The following MT3 variants were observed in gnomAD, a reference collection of about 807,000 sequenced individuals.
The protein encoded by MT3 is metallothionein 3, also known as metallothionein-3.
MT3 carries 8 observed loss-of-function variants against 10.9 expected under a neutral mutation model. That is an observed-to-expected ratio of 0.73 (90% confidence interval 0.43 to 1.33). The LOEUF is 1.33. MT3 is among the 40% of genes most tolerant of loss of function. MT3 has a pLI of 0.01. For synonymous variants in MT3, 32 were observed against 29.9 expected, an observed-to-expected ratio of 1.07 and a Z score of -0.23; for missense variants, 75 against 83.9, an observed-to-expected ratio of 0.89 and a Z score of 0.41.
At chr16:56,589,765 C>G (rs1959799070) in intron 1 of MT3, 105 bp from the exon 2 acceptor site, 2 of 1,575,704 alleles carry the variant, frequency 1.3e-6, no homozygotes, top group African/African-American at 1.4e-5. Flanking sequence ...GCGGGCATGC[C>G]TGTGTCGCGG....
chr16:56,589,666 G>A, intron 1 of MT3, 45 bp downstream of exon 1: 1 of 1,605,198 alleles, frequency 6.2e-7, no homozygotes, highest in Non-Finnish European at 8.5e-7. Flanking sequence ...GCGCGCCCTT[G>A]TACCTGCAAA....
At chr16:56,590,568 G>A in intron 2 of MT3, 2 of 519,736 alleles carry the variant, frequency 3.8e-6, no homozygotes, top group Non-Finnish European at 7.0e-6. Flanking sequence ...ACCTAAGCTG[G>A]GCTTAAGCCC....
intron 2 of MT3, chr16:56,590,433 C>T (rs371668805): frequency 2.2e-6 from 1 of 461,078 alleles, no homozygotes; most frequent in South Asian, 2.8e-5. Flanking sequence ...AGGTCCCCAC[C>T]GCCTCCCCAC....
intron 1 of MT3, 110 bp downstream of exon 1, chr16:56,589,731 T>G (rs1959798699): frequency 6.3e-7 from 1 of 1,582,848 alleles, no homozygotes; most frequent in African/African-American, 1.3e-5. Context: ...GGCCCCTGAT[T>G]CCCTATTCTT....
At chr16:56,590,780 G>A (rs2144278141) in intron 2 of MT3, 60 bp from the exon 3 acceptor site, 3 of 1,533,322 alleles carry the variant, frequency 2.0e-6, no homozygotes, top group Admixed American at 1.9e-5. Flanking sequence ...CCTCCCCTTT[G>A]ATGGGGACGA....
rs982364228 is a variant in MT3 at position 56,590,978 on chromosome 16, G to A, written c.*29G>A. 6 of 1,596,722 alleles carry A rather than the reference G, an allele frequency of 3.8e-6. No individual in the cohort carries two copies. The highest frequency in any genetic ancestry group is 5.1e-6 in the Non-Finnish European group (6 of 1,169,328). On this transcript the variant is annotated 3_prime_UTR_variant, in exon 3 of 3. Transcript: ENST00000200691. Reference sequence around the variant, plus strand: ...GGCACCCCTCCGTGTGGAGCACGTGGAGATAGTGCCAGGTGGCTCAGTGCC... The same window carrying A: ...GGCACCCCTCCGTGTGGAGCACGTGAAGATAGTGCCAGGTGGCTCAGTGCC...
At position 56,590,911 on chromosome 16, in the gene MT3, G is replaced by A. The variant is rs1959814297; in HGVS notation, c.169G>A (p.Ala57Thr). ...CTGTGTGTGCAAAGGCGGAGAGGCA[G>A]CTGAGGCAGAAGCAGAGAAGTGCAG... Reference protein sequence around the residue: ...KDCVCKGGEAAEAEAEKCSCC... With the variant: ...KDCVCKGGEATEAEAEKCSCC... The change falls in exon 3 of 3, where the codon GCT (alanine) becomes ACT (threonine). Residue 57 changes from alanine (A) to threonine (T), a missense_variant. By Grantham distance (58) the Ala-to-Thr change is moderately conservative. Coordinates refer to ENST00000200691, the MANE Select transcript of MT3 (RefSeq NM_005954.4). 8 of 1,614,024 alleles carry A rather than the reference G, an allele frequency of 5.0e-6. No homozygotes were observed. Among genetic ancestry groups the A allele is most frequent in the Non-Finnish European group, 6.8e-6 (8 of 1,179,994 alleles).
intron 2 of MT3, 32 bp downstream of exon 2, chr16:56,589,967 G>T: frequency 6.2e-7 from 1 of 1,608,474 alleles, no homozygotes; most frequent in Non-Finnish European, 8.5e-7. Flanking sequence ...CTCTGCCGCC[G>T]CCCCCTCTGC....
chr16:56,590,438 C>T, intron 2 of MT3: 1 of 462,776 alleles, frequency 2.2e-6, no homozygotes, highest in East Asian at 3.8e-5. Flanking sequence ...CCCACCGCCT[C>T]CCCACGGCTT....
At chr16:56,590,190 C>T (rs1597054052) in intron 2 of MT3, 7 of 649,106 alleles carry the variant, frequency 1.1e-5, no homozygotes, top group Non-Finnish European at 2.0e-5. Flanking sequence ...TTGAGGACTG[C>T]CACACTGGTC....
rs1161816268 is a variant in MT3, at chr16:56,589,903, G to T, written c.65G>T (p.Cys22Phe). The T allele has an allele frequency of 6.2e-7, 1 of 1,614,094 alleles. No individual in the cohort carries two copies. The highest frequency in any genetic ancestry group is 1.1e-5 in the South Asian group (1 of 91,084). The change falls in exon 2 of 3, where the codon TGC becomes TTC. Residue 22 changes from cysteine (C) to phenylalanine (F), a missense_variant. Physicochemically the swap from Cys to Phe is radical, Grantham distance 205 (BLOSUM62 -2). Coordinates refer to ENST00000200691, the MANE Select transcript of MT3 (RefSeq NM_005954.4). ...GSCTCADSCK[C>F]EGCKCTSCKK... ...TGCACCTGCGCGGACTCCTGCAAGT[G>T]CGAGGGATGCAAATGCACCTCCTGC...
Position 56,589,936 on chromosome 16 carries a change from G to C in MT3, c.97+1G>C. ...TGCAAATGCACCTCCTGCAAGAAGA[G>C]TGAGTGCGGGGACCCTTCCCCTCTG... On this transcript the variant is annotated splice_donor_variant, in intron 2 of 2. Transcript: ENST00000200691. LOFTEE classifies it high-confidence loss of function. 1 of 1,614,054 alleles carries C rather than the reference G, an allele frequency of 6.2e-7. No individual in the cohort carries two copies. Among genetic ancestry groups the C allele is most frequent in the African/African-American group, 1.3e-5 (1 of 75,050 alleles).
chr16:56,590,091 T>C (rs1266178833), intron 2 of MT3, 156 bp downstream of exon 2: 12 of 769,896 alleles, frequency 1.6e-5, no homozygotes, highest in East Asian at 2.7e-5. Context: ...AAAATACAGA[T>C]GCCCCTGCCC....
At chr16:56,590,316 C>T in intron 2 of MT3, 1 of 589,018 alleles carries the variant, frequency 1.7e-6, no homozygotes, top group Non-Finnish European at 3.0e-6. Flanking sequence ...CTTACGGATC[C>T]TCTCAGTTTG....
chr16:56,590,789 G>C (rs770816959), intron 2 of MT3, 51 bp from the exon 3 acceptor site: 2 of 1,566,456 alleles, frequency 1.3e-6, no homozygotes, highest in Non-Finnish European at 1.7e-6. Flanking sequence ...TGATGGGGAC[G>C]AATTGGGGGA....
chr16:56,589,729 A>C, intron 1 of MT3, 108 bp downstream of exon 1: 5 of 1,586,086 alleles, frequency 3.2e-6, no homozygotes, highest in Non-Finnish European at 4.3e-6. Flanking sequence ...AGGGCCCCTG[A>C]TTCCCTATTC....
chr16:56,590,154 C>G (rs1375621809), intron 2 of MT3: 1 of 687,158 alleles, frequency 1.5e-6, no homozygotes, highest in East Asian at 2.7e-5. Context: ...TTGTAAATCC[C>G]CAGAAGACTC....
At position 56,590,879 on chromosome 16, in the gene MT3, C is replaced by T. The variant is rs575531391; in HGVS notation, c.137C>T (p.Ala46Val). 28 of 1,614,022 alleles carry T rather than the reference C, an allele frequency of 1.7e-5. 1 individual carries two copies. In the African/African-American group the frequency reaches 3.5e-4, roughly 20 times the overall value. Residue 46 changes from alanine (A) to valine (V), a missense_variant, in exon 3 of 3, where the codon GCC becomes GTC. By Grantham distance (64) the Ala-to-Val change is moderately conservative (BLOSUM62 0). Transcript: ENST00000200691. ...TGCCCTGCGGAGTGTGAGAAGTGTG[C>T]CAAGGACTGTGTGTGCAAAGGCGGA... is the stretch of plus-strand genomic sequence containing the variant. ...SCCPAECEKC[A>V]KDCVCKGGEA... is the part of the protein sequence containing the mutation.
In MT3 at chr16:56,590,650, A is replaced by T. The variant is rs1411891271; in HGVS notation, c.98-190A>T. On this transcript the variant is annotated intron_variant, in intron 2 of 2. Transcript: ENST00000200691. ...TTTCCTGGGTACCTCACTCCTGTGG[A>T]GGTGCAGGATGCCACTGCCGCGACA... 3 of 603,654 alleles carry T rather than the reference A, an allele frequency of 5.0e-6. No individual in the cohort carries two copies. In the African/African-American group the frequency reaches 5.5e-5, roughly 11 times the overall value. 37.4% of individuals were successfully genotyped at this position (603,654 alleles called of 1,614,324 possible).
Sources: allele counts gnomAD v4.1 joint callset, GRCh38; gene constraint gnomAD v4.1.1; transcripts MANE v1.5; gene names NCBI Gene and HGNC (gene_info 2026-07-23, HGNC 2026-07-21).